Variants in FARS2 observed in about 807,000 individuals in gnomAD.
The protein encoded by FARS2 is phenylalanyl-tRNA synthetase 2, mitochondrial, also known as phenylalanine--tRNA ligase, mitochondrial.
In FARS2, 40 loss-of-function variants were observed where a neutral mutation model predicts 46.4. The observed-to-expected ratio is 0.86, with a 90% CI of 0.67 to 1.12. The LOEUF (loss-of-function observed/expected upper bound fraction) is 1.12. Among genes scored for constraint, FARS2 ranks in the 50% most tolerant of loss-of-function variants. The pLI, the probability that FARS2 is intolerant of heterozygous loss-of-function variation, is 0.00. For synonymous variants in FARS2, 234 were observed against 214.9 expected, an observed-to-expected ratio of 1.09 and a Z score of -0.78; for missense variants, 513 against 567.9, an observed-to-expected ratio of 0.90 and a Z score of 0.98.
At chr6:5,429,192 A>C (rs1419852750) in intron 3 of FARS2, among the ~76,000 whole-genome samples, 1 of 152,068 alleles carries the variant, frequency 6.6e-6, no homozygotes, top group African/African-American at 2.4e-5. Flanking sequence ...TCATGGGTGC[A>C]TATCTGTGTC....
chr6:5,323,654 C>T (rs780447131), intron 1 of FARS2, among the ~76,000 whole-genome samples: 12 of 152,138 alleles, frequency 7.9e-5, no homozygotes, highest in Admixed American at 2.6e-4. Flanking sequence ...GACCCAGTGG[C>T]GGAAGGACTC....
chr6:5,432,385 T>A (rs1763255903), intron 4 of FARS2, among the ~76,000 whole-genome samples: 2 of 126,952 alleles, frequency 1.6e-5, no homozygotes, highest in African/African-American at 6.0e-5. Context: ...ATTTATATAT[T>A]ATACATTATA....
intron 5 of FARS2, among the ~76,000 whole-genome samples, chr6:5,597,065 T>G (rs1286236828): frequency 6.6e-6 from 1 of 152,216 alleles, no homozygotes; most frequent in Non-Finnish European, 1.5e-5. Context: ...AGTTTGTGCC[T>G]GGTCAGGGAG....
chr6:5,411,494 A>G (rs1249142781), intron 3 of FARS2, among the ~76,000 whole-genome samples: 1 of 152,192 alleles, frequency 6.6e-6, no homozygotes, highest in Non-Finnish European at 1.5e-5. Flanking sequence ...TTCTATAATT[A>G]GTGATGAATG....
intron 1 of FARS2, among the ~76,000 whole-genome samples, chr6:5,331,944 A>G (rs1401671896): frequency 6.6e-6 from 1 of 152,118 alleles, no homozygotes; most frequent in Non-Finnish European, 1.5e-5. Context: ...ATTGGCTCCC[A>G]TTTCCTGAGC....
intron 3 of FARS2, among the ~76,000 whole-genome samples, chr6:5,419,929 G>A (rs1175144956): frequency 6.6e-6 from 1 of 152,136 alleles, no homozygotes; most frequent in Non-Finnish European, 1.5e-5. Flanking sequence ...GGCCTGTGGA[G>A]GTTTACATTT....
At chr6:5,378,222 A>T (rs974019864) in intron 2 of FARS2, among the ~76,000 whole-genome samples, 3 of 152,106 alleles carry the variant, frequency 2.0e-5, no homozygotes, top group Admixed American at 6.5e-5. Context: ...GCGTAGAAGG[A>T]TGTTGAGACT....
intron 6 of FARS2, among the ~76,000 whole-genome samples, chr6:5,762,397 A>G (rs1366035231): frequency 6.6e-6 from 1 of 152,160 alleles, no homozygotes; most frequent in East Asian, 1.9e-4. Context: ...GTCTCTCCAT[A>G]AGAGAGTCCA....
chr6:5,709,045 G>A (rs1377102088), intron 6 of FARS2, among the ~76,000 whole-genome samples: 1 of 152,202 alleles, frequency 6.6e-6, no homozygotes, highest in Non-Finnish European at 1.5e-5. Flanking sequence ...CAGTAAACAG[G>A]TCTTGAAGAA....
intron 2 of FARS2, among the ~76,000 whole-genome samples, chr6:5,384,226 T>C (rs4267990): frequency 6.6e-6 from 1 of 152,038 alleles, no homozygotes; most frequent in Non-Finnish European, 1.5e-5. Flanking sequence ...AGCTTGGCAG[T>C]AATATTAATC....
At chr6:5,505,136 T>C (rs1238290817) in intron 4 of FARS2, among the ~76,000 whole-genome samples, 1 of 152,216 alleles carries the variant, frequency 6.6e-6, no homozygotes, top group Non-Finnish European at 1.5e-5. Context: ...AGAAGTGTCT[T>C]GGTGTGAATG....
In FARS2 at chr6:5,688,272, T is replaced by C. The variant is rs985524674; in HGVS notation, c.1217+74952T>C. On this transcript the variant is annotated intron_variant, in intron 6 of 6. Transcript: ENST00000274680. ...AGTGGTGGGAGAGGGCATCCCTGTCTTGTGCCAGTTTTCAAAGGGAATGCT... is the reference window on the plus strand; with the variant it reads ...AGTGGTGGGAGAGGGCATCCCTGTCCTGTGCCAGTTTTCAAAGGGAATGCT... 2.0e-5 allele frequency among the ~76,000 whole-genome samples: 3 copies of C among 152,312 alleles called. No individual in the cohort carries two copies. In the South Asian group the frequency reaches 6.2e-4, roughly 32 times the overall value.
chr6:5,280,889 T>A (rs2127854141), intron 1 of FARS2, among the ~76,000 whole-genome samples: 1 of 152,314 alleles, frequency 6.6e-6, no homozygotes, highest in South Asian at 2.1e-4. Flanking sequence ...GGGTAGAAGA[T>A]CTTATGTTTT....
chr6:5,644,083 G>C (rs1433766333), intron 6 of FARS2, among the ~76,000 whole-genome samples: 1 of 152,104 alleles, frequency 6.6e-6, no homozygotes. Context: ...GCTTCTGGGG[G>C]TGTCTTCATT....
intron 6 of FARS2, among the ~76,000 whole-genome samples, chr6:5,620,390 G>A (rs1775708556): frequency 6.6e-6 from 1 of 152,172 alleles, no homozygotes; most frequent in Admixed American, 6.5e-5. Context: ...GTGGGGAGAA[G>A]GGATAGAACA....
intron 6 of FARS2, chr6:5,694,949 G>C (rs75446533): frequency 6.6e-6 from 1 of 152,080 alleles, no homozygotes; most frequent in Non-Finnish European, 1.5e-5. Context: ...GTTCGAGGCC[G>C]CAGTGAGCTA....
intron 4 of FARS2, among the ~76,000 whole-genome samples, chr6:5,458,983 T>C (rs1765077231): frequency 1.3e-5 from 2 of 152,152 alleles, no homozygotes; most frequent in Admixed American, 6.5e-5. Flanking sequence ...ATGCATTCCA[T>C]TAAAATTAAA....
intron 4 of FARS2, among the ~76,000 whole-genome samples, chr6:5,457,417 C>T (rs906342932): frequency 1.3e-5 from 2 of 152,080 alleles, no homozygotes; most frequent in Non-Finnish European, 2.9e-5. Flanking sequence ...AAGGGCTGGC[C>T]GACGTTTTTG....
At chr6:5,572,820 A>G (rs1772732970) in intron 5 of FARS2, among the ~76,000 whole-genome samples, 1 of 152,124 alleles carries the variant, frequency 6.6e-6, no homozygotes, top group Admixed American at 6.5e-5. Flanking sequence ...TGTGCCTTAA[A>G]GTTTGGGCAC....
Sources: gnomAD v4.1 joint callset for allele counts (sites outside exome capture counted in the v4.1 genomes callset) on GRCh38, gnomAD v4.1.1 for gene constraint, MANE v1.5 for transcripts, NCBI Gene and HGNC (gene_info 2026-07-23, HGNC 2026-07-21) for gene names.